TRAPPC9: variants seen among roughly 807,000 people sequenced by gnomAD.
TRAPPC9 encodes trafficking protein particle complex subunit 9.
TRAPPC9 carries 83 observed loss-of-function variants against 124.0 expected under a neutral mutation model. The observed-to-expected ratio is 0.67, with a 90% CI of 0.56 to 0.80. The LOEUF (loss-of-function observed/expected upper bound fraction) is 0.80. Ranked by LOEUF, TRAPPC9 falls within the 30% of genes least tolerant of loss-of-function variation. The probability of loss-of-function intolerance (pLI) is 0.00; values close to 1 mark genes in which losing one functional copy is unlikely to be tolerated. For synonymous variants in TRAPPC9, 638 were observed against 617.5 expected (o/e 1.03, Z -0.49); for missense variants, 1,302 against 1,508.3 (o/e 0.86, Z 2.27).
intron 21 of TRAPPC9, among the ~76,000 whole-genome samples, chr8:139,798,502 T>C (rs183021263): frequency 1.3e-5 from 2 of 152,296 alleles, no homozygotes; most frequent in East Asian, 3.9e-4. Flanking sequence ...ACCTGAGCAA[T>C]GGCTGTGACT....
At chr8:140,047,640 C>A (rs1471451783) in intron 17 of TRAPPC9, among the ~76,000 whole-genome samples, 1 of 152,204 alleles carries the variant, frequency 6.6e-6, no homozygotes, top group Non-Finnish European at 1.5e-5. Context: ...GCAGACACAG[C>A]CACAGCCTCT....
chr8:140,409,071 A>G (rs117963375), intron 5 of TRAPPC9, among the ~76,000 whole-genome samples: 1,744 of 152,290 alleles, frequency 0.011, 38 homozygotes, highest in Admixed American at 0.052. Flanking sequence ...TATATGCAAC[A>G]TATATCACAA....
chr8:140,235,243 G>A (rs935059318), intron 16 of TRAPPC9, among the ~76,000 whole-genome samples: 1 of 152,174 alleles, frequency 6.6e-6, no homozygotes, highest in East Asian at 1.9e-4. Context: ...AAAGTGCTGG[G>A]ATTACAGGCG....
intron 21 of TRAPPC9, among the ~76,000 whole-genome samples, chr8:139,816,252 G>C (rs917872586): frequency 6.6e-6 from 1 of 152,236 alleles, no homozygotes; most frequent in Admixed American, 6.5e-5. Context: ...GATTTTCAGA[G>C]CAAGGTTCAG....
At chr8:140,457,840 G>C (rs1034633808), upstream of TRAPPC9, 30 of 1,087,508 alleles carry the variant, frequency 2.8e-5, no homozygotes, top group South Asian at 3.5e-4. Flanking sequence ...GGGAAGCAAG[G>C]GGGTAGGAGC....
intron 19 of TRAPPC9, among the ~76,000 whole-genome samples, chr8:139,919,074 G>A (rs1053790130): frequency 5.9e-5 from 9 of 152,310 alleles, no homozygotes; most frequent in East Asian, 1.9e-4. Context: ...GAGCTCAGGC[G>A]CCCACCACTG....
chr8:140,416,071 A>C (rs1364482208), intron 5 of TRAPPC9, among the ~76,000 whole-genome samples: 1 of 152,180 alleles, frequency 6.6e-6, no homozygotes, highest in Non-Finnish European at 1.5e-5. Context: ...GCAGAAATAA[A>C]TGAAAGGGGG....
chr8:139,957,123 A>T (rs1233370806), intron 19 of TRAPPC9, among the ~76,000 whole-genome samples: 1 of 152,242 alleles, frequency 6.6e-6, no homozygotes, highest in Non-Finnish European at 1.5e-5. Context: ...CACAGGAGCT[A>T]AAAATAGCTA....
chr8:140,456,682 T>C, intron 1 of TRAPPC9: 2 of 557,236 alleles, frequency 3.6e-6, no homozygotes, highest in African/African-American at 4.1e-5. Flanking sequence ...CCCGGTGCTT[T>C]GTTTCAGGTT....
At chr8:140,047,915 G>A (rs1841722123) in intron 17 of TRAPPC9, among the ~76,000 whole-genome samples, 1 of 152,212 alleles carries the variant, frequency 6.6e-6, no homozygotes, top group African/African-American at 2.4e-5. Flanking sequence ...GGGCCACCAG[G>A]GGCCAGGCCA....
At chr8:140,388,127 A>G in intron 7 of TRAPPC9, among the ~76,000 whole-genome samples, 1 of 151,256 alleles carries the variant, frequency 6.6e-6, no homozygotes, top group Non-Finnish European at 1.5e-5. Flanking sequence ...GCAAGGACAA[A>G]AAAACAAACA....
intron 4 of TRAPPC9, among the ~76,000 whole-genome samples, chr8:140,427,352 A>T (rs572326708): frequency 1.3e-5 from 2 of 151,026 alleles, no homozygotes; most frequent in South Asian, 4.2e-4. Flanking sequence ...CCCCTAAAAT[A>T]CATCTCTCTA....
At chr8:139,885,841 A>G (rs1263513425) in intron 21 of TRAPPC9, 38 bp downstream of exon 21, 4 of 1,541,468 alleles carry the variant, frequency 2.6e-6, no homozygotes, top group Non-Finnish European at 3.5e-6. Flanking sequence ...AAAGGAGCAC[A>G]TCCACCCAGA....
intron 6 of TRAPPC9, among the ~76,000 whole-genome samples, chr8:140,404,317 C>T (rs796534472): frequency 4.6e-5 from 7 of 152,034 alleles, no homozygotes; most frequent in African/African-American, 7.2e-5. Context: ...TTCTAATTCA[C>T]GGTGAAAAAG....
At chr8:140,363,687 T>C (rs553836234) in intron 8 of TRAPPC9, among the ~76,000 whole-genome samples, 47 of 152,042 alleles carry the variant, frequency 3.1e-4, no homozygotes, top group African/African-American at 1.1e-3. Context: ...AACTTATGCC[T>C]CCCAGGTTCA....
chr8:140,258,703 C>T (rs888717440), intron 15 of TRAPPC9, among the ~76,000 whole-genome samples: 1 of 152,200 alleles, frequency 6.6e-6, no homozygotes, highest in South Asian at 2.1e-4. Flanking sequence ...CTTTCTTTTT[C>T]GATCCAGTCA....
At chr8:140,021,992 C>T (rs375557849) in intron 18 of TRAPPC9, among the ~76,000 whole-genome samples, 2 of 152,190 alleles carry the variant, frequency 1.3e-5, no homozygotes, top group South Asian at 2.1e-4. Flanking sequence ...GCCCTTTACA[C>T]GAAGTATGGG....
At chr8:140,391,737 A>G (rs2068930760) in intron 7 of TRAPPC9, among the ~76,000 whole-genome samples, 1 of 150,520 alleles carries the variant, frequency 6.6e-6, no homozygotes, top group Admixed American at 6.6e-5. Context: ...AAAAGAATTA[A>G]GAAAGTGAGC....
At chr8:139,880,781 T>C (rs970426615) in intron 21 of TRAPPC9, among the ~76,000 whole-genome samples, 5 of 152,344 alleles carry the variant, frequency 3.3e-5, no homozygotes, top group African/African-American at 1.2e-4. Flanking sequence ...GATATGATAA[T>C]AGTGAGATAA....
Sources: gnomAD v4.1 joint callset for allele counts (sites outside exome capture counted in the v4.1 genomes callset) on GRCh38, gnomAD v4.1.1 for gene constraint, MANE v1.5 for transcripts, NCBI Gene and HGNC (gene_info 2026-07-23, HGNC 2026-07-21) for gene names.